SFMBT2: variants seen among roughly 807,000 people sequenced by gnomAD.
SFMBT2 encodes the protein Scm like with four mbt domains 2.
In SFMBT2, 38 loss-of-function variants were observed where a neutral mutation model predicts 110.1. That is an observed-to-expected ratio of 0.35 (90% CI 0.27 to 0.45). The LOEUF is 0.45. Ranked by LOEUF, SFMBT2 falls within the 20% of genes least tolerant of loss-of-function variation. The pLI is 1.00. For synonymous variants in SFMBT2, 425 were observed against 425.4 expected (o/e 1.00, Z 0.01); for missense variants, 1,011 against 1,094.9 (o/e 0.92, Z 1.08).
chr10:7,252,561 C>T lies in SFMBT2; in HGVS notation c.871-3912G>A, dbSNP rs185607268. Among the ~76,000 whole-genome samples the T allele has an allele frequency of 9.2e-5, 14 of 152,236 alleles. No homozygotes were observed. In the East Asian group the frequency reaches 2.7e-3, roughly 29 times the overall value. ...ATCTTTGCTCATCTATAACAATGAA[C>T]ATAAAACATCAAAACCAAGCATGGT... On this transcript the variant is annotated intron_variant, in intron 7 of 20. Transcript: ENST00000397167.
Position 7,367,410 on chromosome 10 carries a change from A to C in SFMBT2, c.436+239T>G, listed in dbSNP as rs1292409644. Among the ~76,000 whole-genome samples the C allele has an allele frequency of 6.6e-6, 1 of 151,626 alleles. No homozygotes were observed. The highest frequency in any genetic ancestry group is 1.9e-4 in the East Asian group (1 of 5,180). On this transcript the variant is annotated intron_variant, in intron 4 of 20. Coordinates refer to ENST00000397167, the MANE Select transcript of SFMBT2 (RefSeq NM_001387889.1). The surrounding 1 kb of genome is among the most constrained non-coding windows in gnomAD (Gnocchi z 6.2). The stretch of plus-strand genomic sequence containing the variant: ...TCCAAAAGGAATTTAAGGATTAGGC[A>C]TACTTTCAGTTCCGAAAAGCCAAGT...
At chr10:7,189,068 A>T in intron 15 of SFMBT2, 4 of 762,618 alleles carry the variant, frequency 5.2e-6, no homozygotes, top group Non-Finnish European at 6.4e-6. Flanking sequence ...CTTCAACAGG[A>T]TTACTCTTCA....
At chr10:7,185,672 A>G (rs1838379734) in intron 16 of SFMBT2, among the ~76,000 whole-genome samples, 1 of 152,226 alleles carries the variant, frequency 6.6e-6, no homozygotes, top group Admixed American at 6.5e-5. Flanking sequence ...ACACAGGACT[A>G]GAAGAATTAT....
chr10:7,260,170 C>A (rs1247563678), intron 7 of SFMBT2, among the ~76,000 whole-genome samples: 1 of 152,150 alleles, frequency 6.6e-6, no homozygotes, highest in Non-Finnish European at 1.5e-5. Flanking sequence ...CATTTCCAAC[C>A]TACAGACAAG....
intron 4 of SFMBT2, among the ~76,000 whole-genome samples, chr10:7,321,773 T>C (rs1843197951): frequency 6.6e-6 from 1 of 152,238 alleles, no homozygotes; most frequent in South Asian, 2.1e-4. Flanking sequence ...CAGGGGTTTA[T>C]TACTCACCTG....
intron 4 of SFMBT2, among the ~76,000 whole-genome samples, chr10:7,322,415 G>GA (rs1251126549): frequency 6.6e-6 from 1 of 152,126 alleles, no homozygotes; most frequent in Non-Finnish European, 1.5e-5. Context: ...AGTACACAAG[G>GA]AAAATGATCC....
chr10:7,262,597 T>A (rs934529415), intron 7 of SFMBT2, among the ~76,000 whole-genome samples: 2 of 152,230 alleles, frequency 1.3e-5, no homozygotes, highest in African/African-American at 2.4e-5. Context: ...CCGGAGCAGA[T>A]AACTGAAAGT....
In SFMBT2 at chr10:7,215,727, C is replaced by T. The variant is rs961649572; in HGVS notation, c.1330+4684G>A. 4.1e-6 allele frequency: 4 copies of T among 985,344 alleles called. No homozygotes were observed. In the African/African-American group the frequency reaches 5.2e-5, roughly 13 times the overall value. 61.0% of individuals were successfully genotyped at this position (985,344 alleles called of 1,614,324 possible). ...TGGCCGATGAATTTAAGCCCACTGA[C>T]TCAACTTCATAGACATCAGGGCCTG... On this transcript the variant is annotated intron_variant, in intron 11 of 20. Coordinates refer to ENST00000397167, the MANE Select transcript of SFMBT2 (RefSeq NM_001387889.1).
chr10:7,236,154 CAGA>C (rs1840246900), intron 9 of SFMBT2, among the ~76,000 whole-genome samples: 1 of 151,838 alleles, frequency 6.6e-6, no homozygotes, highest in Non-Finnish European at 1.5e-5. Context: ...CCACAGCAAG[CAGA>C]AGGATAAGGT....
chr10:7,174,271 G>A (rs909368581), intron 17 of SFMBT2, among the ~76,000 whole-genome samples: 29 of 152,220 alleles, frequency 1.9e-4, no homozygotes, highest in Admixed American at 1.6e-3. Context: ...CTCCAGGTAC[G>A]GGGCAAATGA....
chr10:7,329,622 G>A, intron 4 of SFMBT2: 2 of 510,362 alleles, frequency 3.9e-6, no homozygotes, highest in Non-Finnish European at 5.0e-6. Flanking sequence ...AAATCCAGAT[G>A]GAACACAGCA....
At chr10:7,270,981 G>A (rs1049303109) in intron 7 of SFMBT2, among the ~76,000 whole-genome samples, 2 of 152,000 alleles carry the variant, frequency 1.3e-5, no homozygotes, top group African/African-American at 4.8e-5. Flanking sequence ...ATCTATATAT[G>A]AACTCAAAAA....
chr10:7,264,762 A>G (rs1024627423), intron 7 of SFMBT2, among the ~76,000 whole-genome samples: 2 of 152,148 alleles, frequency 1.3e-5, no homozygotes, highest in African/African-American at 4.8e-5. Flanking sequence ...AGCTGCCTAT[A>G]AAAAAGCAGA....
chr10:7,284,388 A>G, intron 5 of SFMBT2: 1 of 1,262,346 alleles, frequency 7.9e-7, no homozygotes, highest in Non-Finnish European at 1.0e-6. Flanking sequence ...AAGTCAATAG[A>G]AAATAACAGT....
At chr10:7,243,455 CT>C in intron 9 of SFMBT2, 102 bp downstream of exon 9, 2 of 768,642 alleles carry the variant, frequency 2.6e-6, no homozygotes, top group Non-Finnish European at 2.2e-6. Context: ...CATCTAAACC[CT>C]TTACACAACC....
At chr10:7,341,777 T>C (rs1388604025) in intron 4 of SFMBT2, among the ~76,000 whole-genome samples, 2 of 152,188 alleles carry the variant, frequency 1.3e-5, no homozygotes, top group Non-Finnish European at 1.5e-5. Flanking sequence ...AGGGTGGTAA[T>C]ATTGATTAAA....
intron 7 of SFMBT2, among the ~76,000 whole-genome samples, chr10:7,275,513 C>CA (rs1164827060): frequency 6.6e-6 from 1 of 151,160 alleles, no homozygotes; most frequent in Non-Finnish European, 1.5e-5. Context: ...AAGAGGAAGA[C>CA]AAAGAGGAGA....
chr10:7,353,886 G>T (rs1434304799), intron 4 of SFMBT2, among the ~76,000 whole-genome samples: 6 of 152,084 alleles, frequency 3.9e-5, no homozygotes, highest in Admixed American at 3.3e-4. Flanking sequence ...AGCAGTTCGA[G>T]ACCAGCCTGT....
At chr10:7,235,529 CCA>C (rs36008319) in intron 9 of SFMBT2, among the ~76,000 whole-genome samples, 12 of 150,346 alleles carry the variant, frequency 8.0e-5, no homozygotes, top group Middle Eastern at 6.3e-3. Flanking sequence ...ACACTACATA[CCA>C]CACACACACA....
Sources: allele counts gnomAD v4.1 joint callset (sites outside exome capture counted in the v4.1 genomes callset), GRCh38; gene constraint gnomAD v4.1.1; non-coding constraint Gnocchi (gnomAD v3.1); transcripts MANE v1.5; gene names NCBI Gene and HGNC (gene_info 2026-07-23, HGNC 2026-07-21).